The following ARHGEF26 variants were observed in gnomAD, a reference collection of about 807,000 sequenced individuals.
ARHGEF26 encodes the protein Rho guanine nucleotide exchange factor 26.
ARHGEF26 carries 59 observed loss-of-function variants against 89.4 expected under a neutral mutation model. The observed-to-expected ratio is 0.66, with a 90% CI of 0.54 to 0.82. The LOEUF is 0.82. Among genes scored for constraint, ARHGEF26 ranks in the 40% least tolerant of loss-of-function variants. The probability of loss-of-function intolerance (pLI) is 0.00; values close to 1 mark genes in which losing one functional copy is unlikely to be tolerated. For missense variants in ARHGEF26, 1,234 were observed against 1,085.6 expected (o/e 1.14, Z -1.92); for synonymous variants, 500 against 428.4 (o/e 1.17, Z -2.06).
chr3:154,242,280 A>G (rs1472130417), intron 12 of ARHGEF26, among the ~76,000 whole-genome samples: 2 of 152,244 alleles, frequency 1.3e-5, no homozygotes, highest in African/African-American at 4.8e-5. Context: ...AAGATTCACC[A>G]TCGTAGATGT....
At chr3:154,176,799 T>TA (rs1055855699) in intron 6 of ARHGEF26, among the ~76,000 whole-genome samples, 2 of 152,134 alleles carry the variant, frequency 1.3e-5, no homozygotes, top group Admixed American at 1.3e-4. Flanking sequence ...TTTTACCTTT[T>TA]AAAAAAATAC....
intron 11 of ARHGEF26, 115 bp downstream of exon 11, chr3:154,226,125 T>A: frequency 2.2e-6 from 2 of 895,654 alleles, no homozygotes; most frequent in Non-Finnish European, 3.2e-6. Context: ...GTATAGTTTC[T>A]ACATACTGAA....
At chr3:154,247,938 T>C (rs1299951441) in intron 12 of ARHGEF26, among the ~76,000 whole-genome samples, 1 of 152,216 alleles carries the variant, frequency 6.6e-6, no homozygotes, top group Non-Finnish European at 1.5e-5. Context: ...TCATTCTTTT[T>C]TCCCTCTGGG....
At position 154,255,838 on chromosome 3, in the gene ARHGEF26, CTCTT is replaced by C. The variant is rs1430576283; in HGVS notation, c.*367_*370del. On this transcript the variant is annotated 3_prime_UTR_variant, in exon 15 of 15. Transcript: ENST00000465093. ...CCTTGCATTACTAAGGTGACTGTCTCTCTTTATACATCCTTGTATGGTTCTCCCA... is the reference window on the plus strand; with the variant it reads ...CCTTGCATTACTAAGGTGACTGTCTCTATACATCCTTGTATGGTTCTCCCA... The C allele has an allele frequency of 2.9e-6, 3 of 1,028,642 alleles. No individual in the cohort carries two copies. In the African/African-American group the frequency reaches 5.1e-5, roughly 17 times the overall value. The allele number at this position is 1,028,642 out of a possible 1,614,324, so 63.7% of individuals were successfully genotyped here.
chr3:154,212,801 A>G (rs1446947585), intron 9 of ARHGEF26, among the ~76,000 whole-genome samples: 1 of 151,924 alleles, frequency 6.6e-6, no homozygotes. Context: ...AGTAATGCTC[A>G]CTTGCCCTCC....
At chr3:154,240,124 A>G (rs982075406) in intron 11 of ARHGEF26, among the ~76,000 whole-genome samples, 3 of 152,172 alleles carry the variant, frequency 2.0e-5, no homozygotes, top group African/African-American at 4.8e-5. Context: ...GATGATGTCA[A>G]TACTTGAGAT....
chr3:154,198,994 G>T (rs541035427), intron 9 of ARHGEF26, among the ~76,000 whole-genome samples: 117 of 152,154 alleles, frequency 7.7e-4, no homozygotes, highest in African/African-American at 2.7e-3. Flanking sequence ...TAGGCATGCA[G>T]TGTGAAATAA....
chr3:154,162,069 G>A (rs905083451), intron 6 of ARHGEF26, among the ~76,000 whole-genome samples: 1 of 152,168 alleles, frequency 6.6e-6, no homozygotes, highest in African/African-American at 2.4e-5. Context: ...GTCATTAGCT[G>A]TTATCAATCT....
intron 12 of ARHGEF26, among the ~76,000 whole-genome samples, chr3:154,243,223 A>G (rs1223972183): frequency 6.6e-6 from 1 of 152,248 alleles, no homozygotes; most frequent in Non-Finnish European, 1.5e-5. Context: ...GTAATTTTCC[A>G]GTGTTCCAGA....
At chr3:154,185,088 C>T (rs973035655) in intron 6 of ARHGEF26, among the ~76,000 whole-genome samples, 2 of 152,164 alleles carry the variant, frequency 1.3e-5, no homozygotes, top group South Asian at 4.1e-4. Flanking sequence ...CAAGAGTGGT[C>T]ACTCTGCCCT....
chr3:154,145,790 T>G (rs906317836), intron 4 of ARHGEF26, among the ~76,000 whole-genome samples: 1 of 152,210 alleles, frequency 6.6e-6, no homozygotes, highest in Non-Finnish European at 1.5e-5. Context: ...ACTGGCTGTA[T>G]CCATAGATAA....
chr3:154,121,815 G>A lies in ARHGEF26; in HGVS notation c.-51-127G>A, dbSNP rs1276089745. 1.1e-5 allele frequency: 9 copies of A among 824,342 alleles called. No individual in the cohort carries two copies. The East Asian group carries it at 1.9e-4, about 18-fold the overall frequency. 51.1% of individuals were successfully genotyped at this position (824,342 alleles called of 1,614,324 possible). ...GTGGTGCAGTTTTTGCCCGAGAAAG[G>A]GCGGGTAAGTGCGGTGCAGTCGTGT... On this transcript the variant is annotated intron_variant, in intron 1 of 14. Transcript: ENST00000465093.
chr3:154,198,120 A>G (rs753799862), intron 9 of ARHGEF26, among the ~76,000 whole-genome samples: 8 of 152,174 alleles, frequency 5.3e-5, no homozygotes, highest in Non-Finnish European at 1.0e-4. Flanking sequence ...AATGGCCAAC[A>G]AACGTGAAAA....
chr3:154,125,919 G>C (rs142188853), intron 3 of ARHGEF26, among the ~76,000 whole-genome samples: 132 of 152,210 alleles, frequency 8.7e-4, no homozygotes, highest in Admixed American at 2.3e-3. Flanking sequence ...CTGGGTTCCT[G>C]TCTTGCTGTT....
intron 8 of ARHGEF26, 44 bp downstream of exon 8, chr3:154,191,462 T>G (rs1046324290): frequency 6.4e-7 from 1 of 1,570,318 alleles, no homozygotes; most frequent in Non-Finnish European, 8.6e-7. Context: ...TAGCTGTGCT[T>G]CTCTAAATCT....
chr3:154,212,971 A>G (rs1364294317), intron 9 of ARHGEF26, among the ~76,000 whole-genome samples: 1 of 152,160 alleles, frequency 6.6e-6, no homozygotes, highest in African/African-American at 2.4e-5. Flanking sequence ...ATTTCTAAAG[A>G]TAAATTTTCA....
chr3:154,159,119 T>C (rs1711521686), intron 6 of ARHGEF26, among the ~76,000 whole-genome samples: 1 of 152,110 alleles, frequency 6.6e-6, no homozygotes, highest in Admixed American at 6.6e-5. Flanking sequence ...AGTCTTTGCT[T>C]TGATGTTTCA....
intron 6 of ARHGEF26, among the ~76,000 whole-genome samples, chr3:154,174,994 A>G (rs1712709147): frequency 6.6e-6 from 1 of 152,190 alleles, no homozygotes; most frequent in Admixed American, 6.5e-5. Flanking sequence ...GGCATAGTGT[A>G]AGTGCCCTCC....
chr3:154,187,868 C>T (rs1294268648), intron 7 of ARHGEF26, 31 bp downstream of exon 7: 2 of 1,572,912 alleles, frequency 1.3e-6, no homozygotes, highest in Admixed American at 1.8e-5. Context: ...CAGTTTTAAT[C>T]ATCTAACCTA....
Sources: gnomAD v4.1 joint callset for allele counts (sites outside exome capture counted in the v4.1 genomes callset) on GRCh38, gnomAD v4.1.1 for gene constraint, MANE v1.5 for transcripts, NCBI Gene and HGNC (gene_info 2026-07-23, HGNC 2026-07-21) for gene names.